Variants in GATAD2A observed in about 807,000 individuals in gnomAD.
GATAD2A encodes the protein GATA zinc finger domain containing 2A.
Under a neutral mutation model 68.5 loss-of-function variants are expected in GATAD2A, and 12 were observed. The ratio of observed to expected loss-of-function variants is 0.18; its 90% CI spans 0.11 to 0.28. GATAD2A has a LOEUF of 0.28. Among genes scored for constraint, GATAD2A ranks in the 10% least tolerant of loss-of-function variants. GATAD2A has a pLI of 1.00. For synonymous variants in GATAD2A, 410 were observed against 375.3 expected, an observed-to-expected ratio of 1.09 and a Z score of -1.07; for missense variants, 755 against 868.5, an observed-to-expected ratio of 0.87 and a Z score of 1.64.
At chr19:19,454,736 C>A (rs1245336144) in intron 1 of GATAD2A, among the ~76,000 whole-genome samples, 2 of 128,654 alleles carry the variant, frequency 1.6e-5, no homozygotes, top group African/African-American at 5.7e-5. Flanking sequence ...GTGCCCCCCC[C>A]CACCCCCTTA....
intron 1 of GATAD2A, among the ~76,000 whole-genome samples, chr19:19,449,888 T>C (rs1313395382): frequency 1.3e-5 from 2 of 152,254 alleles, no homozygotes; most frequent in African/African-American, 4.8e-5. Flanking sequence ...TGCATTTATT[T>C]GTAAATGGGA....
chr19:19,490,657 G>C (rs1297623846), intron 2 of GATAD2A, among the ~76,000 whole-genome samples: 1 of 152,088 alleles, frequency 6.6e-6, no homozygotes, highest in African/African-American at 2.4e-5. Flanking sequence ...CGAGGCGGGC[G>C]GATCATCTGA....
At chr19:19,416,669 G>T (rs1441317069) in intron 1 of GATAD2A, among the ~76,000 whole-genome samples, 3 of 152,092 alleles carry the variant, frequency 2.0e-5, no homozygotes, top group East Asian at 1.9e-4. Flanking sequence ...TTAGGGAAAA[G>T]AATACTTAAA....
intron 1 of GATAD2A, among the ~76,000 whole-genome samples, chr19:19,420,005 C>CTTTTTTTT (rs397859927): frequency 2.6e-4 from 18 of 68,696 alleles, no homozygotes; most frequent in African/African-American, 1.0e-3. Context: ...ACCATCTTGA[C>CTTTTTTTT]TTTTTTTTTT....
At chr19:19,488,874 TCCAA>T (rs1716500937) in intron 2 of GATAD2A, among the ~76,000 whole-genome samples, 1 of 152,160 alleles carries the variant, frequency 6.6e-6, no homozygotes, top group South Asian at 2.1e-4. Context: ...TCACATCACT[TCCAA>T]ATAAACTTGG....
intron 1 of GATAD2A, among the ~76,000 whole-genome samples, chr19:19,426,751 C>A (rs531288072): frequency 6.6e-6 from 1 of 152,126 alleles, no homozygotes; most frequent in South Asian, 2.1e-4. Flanking sequence ...TGGCCGCAAG[C>A]GATCCACCCG....
intron 1 of GATAD2A, among the ~76,000 whole-genome samples, chr19:19,459,753 C>A (rs565515089): frequency 3.0e-4 from 46 of 152,316 alleles, no homozygotes; most frequent in Admixed American, 1.0e-3. Context: ...ATTGACAGAC[C>A]TCTCCCCTGG....
intron 1 of GATAD2A, among the ~76,000 whole-genome samples, chr19:19,419,828 T>A (rs1284705861): frequency 6.6e-6 from 1 of 151,832 alleles, no homozygotes; most frequent in Non-Finnish European, 1.5e-5. Flanking sequence ...TACCTACATC[T>A]TTGGTAGAGG....
chr19:19,441,195 A>G (rs560826062), intron 1 of GATAD2A, among the ~76,000 whole-genome samples: 1 of 152,192 alleles, frequency 6.6e-6, no homozygotes, highest in African/African-American at 2.4e-5. Context: ...GGCGCCCGCC[A>G]CCATGCCCGG....
chr19:19,412,160 T>G (rs561646064), intron 1 of GATAD2A, among the ~76,000 whole-genome samples: 59 of 151,646 alleles, frequency 3.9e-4, no homozygotes, highest in Non-Finnish European at 6.6e-4. Flanking sequence ...AATTTTTTTT[T>G]TAATTTTTTT....
upstream of GATAD2A, among the ~76,000 whole-genome samples, chr19:19,404,648 C>T (rs2050027074): frequency 6.6e-6 from 1 of 151,936 alleles, no homozygotes; most frequent in South Asian, 2.1e-4. Context: ...GCCACTGCAC[C>T]ACTCCAGCCT....
chr19:19,409,191 G>C (rs1346679472), intron 1 of GATAD2A, among the ~76,000 whole-genome samples: 1 of 152,120 alleles, frequency 6.6e-6, no homozygotes, highest in African/African-American at 2.4e-5. Flanking sequence ...CAGCTCAGAT[G>C]CTTTTCTGGA....
intron 1 of GATAD2A, among the ~76,000 whole-genome samples, chr19:19,448,831 T>C (rs776387425): frequency 3.3e-5 from 5 of 152,152 alleles, no homozygotes; most frequent in Non-Finnish European, 7.4e-5. Flanking sequence ...AAGCCTGTGA[T>C]CAGTTTAGGT....
intron 2 of GATAD2A, among the ~76,000 whole-genome samples, chr19:19,485,954 CACA>C (rs1332027797): frequency 2.6e-5 from 4 of 152,318 alleles, no homozygotes; most frequent in East Asian, 1.9e-4. Context: ...CCTCCAGCAG[CACA>C]ACATCTATGT....
chr19:19,468,142 G>A (rs552630470), intron 2 of GATAD2A, among the ~76,000 whole-genome samples: 3 of 152,356 alleles, frequency 2.0e-5, no homozygotes, highest in Non-Finnish European at 1.5e-5. Flanking sequence ...AATTTCAGGT[G>A]AGAACAGTGA....
intron 1 of GATAD2A, among the ~76,000 whole-genome samples, chr19:19,429,511 C>T (rs781253719): frequency 1.8e-4 from 27 of 151,974 alleles, no homozygotes; most frequent in Non-Finnish European, 2.5e-4. Flanking sequence ...GGTGCTCTGA[C>T]GCTGGGTGGA....
chr19:19,499,384 C>G (rs1454557809), intron 8 of GATAD2A, among the ~76,000 whole-genome samples: 1 of 152,118 alleles, frequency 6.6e-6, no homozygotes, highest in Non-Finnish European at 1.5e-5. Flanking sequence ...AGGCTGAGTC[C>G]TCTCCTGGTG....
Position 19,506,620 on chromosome 19 carries a change from T to A in GATAD2A, c.*1146T>A, listed in dbSNP as rs1229476812. ...GTCAGGATTTGCTTTCAGACTTTTT[T>A]TTTTTTTGTAATTCCCTTTAGAGTC... On this transcript the variant is annotated 3_prime_UTR_variant, in exon 12 of 12. Transcript: ENST00000683918. 6.5e-6 allele frequency: 1 copy of A among 153,634 alleles called. No individual in the cohort carries two copies. Among genetic ancestry groups the A allele is most frequent in the Non-Finnish European group, 1.4e-5 (1 of 69,084 alleles). 9.5% of individuals were successfully genotyped at this position (153,634 alleles called of 1,614,324 possible).
chr19:19,494,416 C>T (rs1363761617), intron 5 of GATAD2A, 33 bp downstream of exon 5: 5 of 1,275,052 alleles, frequency 3.9e-6, no homozygotes, highest in Admixed American at 1.7e-5. Context: ...ACTGGGTGCC[C>T]TGCTGGCACT....
Sources: gnomAD v4.1 joint callset for allele counts (sites outside exome capture counted in the v4.1 genomes callset) on GRCh38, gnomAD v4.1.1 for gene constraint, MANE v1.5 for transcripts, NCBI Gene and HGNC (gene_info 2026-07-23, HGNC 2026-07-21) for gene names.